ZNF48: variants seen among roughly 807,000 people sequenced by gnomAD.
ZNF48 encodes zinc finger protein 553.
A neutral mutation model predicts 40.0 loss-of-function variants in ZNF48; 20 were observed. That is an observed-to-expected ratio of 0.50 (90% CI 0.35 to 0.73). The LOEUF (loss-of-function observed/expected upper bound fraction) is 0.73. Ranked by LOEUF, ZNF48 falls within the 30% of genes least tolerant of loss-of-function variation. ZNF48 has a pLI of 0.01. For missense variants in ZNF48, 726 were observed against 851.9 expected (o/e 0.85, Z 1.84); for synonymous variants, 298 against 329.7 (o/e 0.90, Z 1.04).
At chr16:30,379,197 G>A in intron 1 of ZNF48, 1 of 1,613,492 alleles carries the variant, frequency 6.2e-7, no homozygotes, top group Non-Finnish European at 8.5e-7. Context: ...GAGGGGGGGC[G>A]GCGCGGACCA....
rs1469475230 is a variant in ZNF48, at chr16:30,399,960, G to T, written c.*853G>T. 3 of 152,432 alleles carry T rather than the reference G, an allele frequency of 2.0e-5. No individual in the cohort carries two copies. In the East Asian group the frequency reaches 5.8e-4, roughly 29 times the overall value. 9.4% of individuals were successfully genotyped at this position (152,432 alleles called of 1,614,324 possible). A position where few individuals can be genotyped will look rare whatever the true frequency, so the allele number is the denominator to read the frequency against. On this transcript the variant is annotated 3_prime_UTR_variant, in exon 3 of 3. Transcript: ENST00000613509. The stretch of plus-strand genomic sequence containing the variant: ...TCCATGTGTCTTTTTACCAATAAAC[G>T]GCTTCTCTTCTGAGGCTTGGACAGT...
Position 30,398,209 on chromosome 16 carries a change from A to G in ZNF48, c.959A>G (p.Lys320Arg). 6.2e-7 allele frequency: 1 copy of G among 1,613,954 alleles called. No individual in the cohort carries two copies. Residue 320 changes from lysine (K) to arginine (R), a missense_variant, in exon 3 of 3, where the codon AAG becomes AGG. This residue lies in a region of ZNF48 where 378 missense variants were observed against 449.1 expected (regional missense o/e 0.84). Coordinates refer to ENST00000613509, the MANE Select transcript of ZNF48 (RefSeq NM_001214909.2). This position sits in a 1 kb window ranked among gnomAD's most constrained non-coding sequence, Gnocchi z 6.6. Reference protein sequence around the residue: ...KEFARGSDLVKHLRVHTGEKP... With the variant: ...KEFARGSDLVRHLRVHTGEKP... ...TTTGCCCGGGGATCCGACCTGGTGA[A>G]GCACCTGCGGGTGCACACGGGTGAG...
chr16:30,397,203 TGA>T lies in ZNF48; in HGVS notation c.80-123_80-122del. ...CACAGATAGTAAGTGCACCAGAGGT[TGA>T]GAGGACAGAGAGATTGGGGTTCCTG... is the stretch of plus-strand genomic sequence containing the variant. On this transcript the variant is annotated intron_variant, in intron 2 of 2. Transcript: ENST00000613509. The surrounding 1 kb of genome is among the most constrained non-coding windows in gnomAD (Gnocchi z 4.1). 1 of 823,834 alleles carries T rather than the reference TGA, an allele frequency of 1.2e-6. No homozygotes were observed. The highest frequency in any genetic ancestry group is 1.9e-6 in the Non-Finnish European group (1 of 523,328). The allele number at this position is 823,834 out of a possible 1,614,324, so 51.0% of individuals were successfully genotyped here. A position where few individuals can be genotyped will look rare whatever the true frequency, so the allele number is the denominator to read the frequency against.
At position 30,381,328 on chromosome 16, in the gene ZNF48, C is replaced by G; in HGVS notation, c.-16+2918C>G. The G allele has an allele frequency of 3.7e-6, 6 of 1,613,130 alleles. No homozygotes were observed. The highest frequency in any genetic ancestry group is 3.4e-6 in the Non-Finnish European group (4 of 1,179,464). ...CTAAATGCGCCAGCCCCCAGGATCC[C>G]CCCACCAGACCCCCGGCCGAAGGGT... On this transcript the variant is annotated intron_variant, in intron 1 of 2. Coordinates refer to the ZNF48 transcript ENST00000528032. This position sits in a 1 kb window ranked among gnomAD's most constrained non-coding sequence, Gnocchi z 4.3.
Position 30,397,251 on chromosome 16 carries a change from A to G in ZNF48, c.80-79A>G, listed in dbSNP as rs1450670549. The G allele has an allele frequency of 1.0e-5, 13 of 1,295,158 alleles. No individual in the cohort carries two copies. The highest frequency in any genetic ancestry group is 1.4e-5 in the South Asian group (1 of 69,732). The allele number at this position is 1,295,158 out of a possible 1,614,324, so 80.2% of individuals were successfully genotyped here. A position where few individuals can be genotyped will look rare whatever the true frequency, so the allele number is the denominator to read the frequency against. ...TCCTGTGACCACAGATTGTCAAGGGAGTCTTCCTGGAGAGGTTGCTGTCAA... is the reference window on the plus strand; with the variant it reads ...TCCTGTGACCACAGATTGTCAAGGGGGTCTTCCTGGAGAGGTTGCTGTCAA... On this transcript the variant is annotated intron_variant, in intron 2 of 2. Transcript: ENST00000613509. The surrounding 1 kb of genome is among the most constrained non-coding windows in gnomAD (Gnocchi z 4.1).
In ZNF48 at chr16:30,382,525, C is replaced by G; in HGVS notation, c.-16+4115C>G. ...CAGGTTTCTGGGTGTAAGGACTCAC[C>G]ATGACTCCGCCAGCCATCACTGCAC... On this transcript the variant is annotated intron_variant, in intron 1 of 2. Coordinates refer to the ZNF48 transcript ENST00000528032. The surrounding 1 kb of genome is among the most constrained non-coding windows in gnomAD (Gnocchi z 4.8). 1 of 1,592,184 alleles carries G rather than the reference C, an allele frequency of 6.3e-7. No homozygotes were observed. Among genetic ancestry groups the G allele is most frequent in the Non-Finnish European group, 8.5e-7 (1 of 1,170,324 alleles).
At chr16:30,395,145 G>T, upstream of ZNF48, 2 of 449,012 alleles carry the variant, frequency 4.5e-6, no homozygotes, top group Non-Finnish European at 9.0e-6. This position sits in a 1 kb window ranked among gnomAD's most constrained non-coding sequence, Gnocchi z 5.9. Context: ...AGTGGCTGGC[G>T]CTGTCGGCCG....
chr16:30,378,426 G>A, intron 1 of ZNF48: 1 of 1,564,022 alleles, frequency 6.4e-7, no homozygotes, highest in Non-Finnish European at 8.6e-7. Context: ...GCCGGGCGGG[G>A]CGTGGCCTCA....
Position 30,387,134 on chromosome 16 carries a change from A to G in ZNF48, c.-15-8646A>G, listed in dbSNP as rs1457379689. Reference sequence around the variant, plus strand: ...ATTTTTTTGTATTTTTAGTAGAGACAGGGTTTCACCGTGTTAGCCAGGATG... The same window carrying G: ...ATTTTTTTGTATTTTTAGTAGAGACGGGGTTTCACCGTGTTAGCCAGGATG... On this transcript the variant is annotated intron_variant, in intron 1 of 2. Transcript: ENST00000528032. Among the ~76,000 whole-genome samples, 145 of 149,088 alleles carry G rather than the reference A, an allele frequency of 9.7e-4. 1 individual carries two copies. The highest frequency in any genetic ancestry group is 6.9e-3 in the Middle Eastern group (2 of 290).
intron 1 of ZNF48, chr16:30,379,911 T>G (rs372572766): frequency 7.3e-7 from 1 of 1,374,966 alleles, no homozygotes; most frequent in South Asian, 1.2e-5. Flanking sequence ...CCGGCCTGCC[T>G]TCCTTCTTTG....
At chr16:30,396,904 C>G (rs1232605718) in intron 2 of ZNF48, among the ~76,000 whole-genome samples, 2 of 151,800 alleles carry the variant, frequency 1.3e-5, no homozygotes, top group African/African-American at 4.8e-5. Context: ...GTTGCCCAGG[C>G]TGGTTTCTAA....
Position 30,399,329 on chromosome 16 carries a change from C to T in ZNF48, c.*222C>T. On this transcript the variant is annotated 3_prime_UTR_variant, in exon 3 of 3. Coordinates refer to ENST00000613509, the MANE Select transcript of ZNF48 (RefSeq NM_001214909.2). ...CCAGGACGGGCTGTACCCCTGGCTTCTAGAAGACTGCCTAGCACACAGTAG... is the reference window on the plus strand; with the variant it reads ...CCAGGACGGGCTGTACCCCTGGCTTTTAGAAGACTGCCTAGCACACAGTAG... 1 of 510,162 alleles carries T rather than the reference C, an allele frequency of 2.0e-6. No homozygotes were observed. The highest frequency in any genetic ancestry group is 3.5e-6 in the Non-Finnish European group (1 of 289,554). The allele number at this position is 510,162 out of a possible 1,614,324, so 31.6% of individuals were successfully genotyped here.
Position 30,380,989 on chromosome 16 carries a change from C to T in ZNF48, c.-16+2579C>T, listed in dbSNP as rs372861703. ...ATGGCTATGCTGGCGGCTTACCACC[C>T]GCCTTCCTCAGAAGCTTCTCCTACA... On this transcript the variant is annotated intron_variant, in intron 1 of 2. Transcript: ENST00000528032. 9.0e-4 allele frequency: 693 copies of T among 769,738 alleles called. 5 individuals are homozygous for T. The highest frequency in any genetic ancestry group is 6.5e-3 in the South Asian group (411 of 62,876). The allele number at this position is 769,738 out of a possible 1,614,324, so 47.7% of individuals were successfully genotyped here.
chr16:30,380,822 G>T, intron 1 of ZNF48: 1 of 419,954 alleles, frequency 2.4e-6, no homozygotes, highest in Non-Finnish European at 4.4e-6. Flanking sequence ...CAGAAACAGT[G>T]GGAAAGGGCT....
At chr16:30,390,158 C>G (rs1476227941) in intron 1 of ZNF48, among the ~76,000 whole-genome samples, 1 of 151,920 alleles carries the variant, frequency 6.6e-6, no homozygotes, top group Non-Finnish European at 1.5e-5. Context: ...CATGTCTTCA[C>G]AGTTACCTCT....
intron 1 of ZNF48, among the ~76,000 whole-genome samples, chr16:30,389,581 A>G (rs1415186275): frequency 2.0e-5 from 3 of 150,646 alleles, no homozygotes; most frequent in Admixed American, 6.6e-5. Flanking sequence ...TCAAAAAAAA[A>G]AAAAAAAAGG....
chr16:30,386,858 T>G (rs894147205), intron 1 of ZNF48, among the ~76,000 whole-genome samples: 9 of 151,686 alleles, frequency 5.9e-5, no homozygotes, highest in African/African-American at 1.7e-4. Flanking sequence ...GAGATGGGGT[T>G]TCACCATGTT....
At chr16:30,385,210 AATAATAAT>A (rs1462998707) in intron 1 of ZNF48, among the ~76,000 whole-genome samples, 2 of 143,364 alleles carry the variant, frequency 1.4e-5, no homozygotes, top group Admixed American at 7.0e-5. Flanking sequence ...TAATAATAAT[AATAATAAT>A]AATATAAATA....
Position 30,382,436 on chromosome 16 carries a change from C to T in ZNF48, c.-16+4026C>T. The T allele has an allele frequency of 6.4e-7, 1 of 1,569,820 alleles. No homozygotes were observed. ...AGGGTCCCCAGGATCACTTGAGTTC[C>T]TGGGCTAGGAAGAGTCAGTGGGGTC... On this transcript the variant is annotated intron_variant, in intron 1 of 2. Coordinates refer to the ZNF48 transcript ENST00000528032. This position sits in a 1 kb window ranked among gnomAD's most constrained non-coding sequence, Gnocchi z 4.8.
Sources: allele counts gnomAD v4.1 joint callset (sites outside exome capture counted in the v4.1 genomes callset), GRCh38; gene constraint gnomAD v4.1.1; regional missense constraint gnomAD v4.1.1; non-coding constraint Gnocchi (gnomAD v3.1); transcripts MANE v1.5; gene names NCBI Gene and HGNC (gene_info 2026-07-23, HGNC 2026-07-21).